Variants in ATXN10 observed in about 807,000 individuals in gnomAD.
ATXN10 encodes ataxin-10.
ATXN10 carries 28 observed loss-of-function variants against 52.9 expected under a neutral mutation model. That is an observed-to-expected ratio of 0.53 (90% CI 0.39 to 0.73). ATXN10 has a LOEUF of 0.73. Among genes scored for constraint, ATXN10 ranks in the 30% least tolerant of loss-of-function variants. ATXN10 has a pLI of 0.00. For missense variants in ATXN10, 565 were observed against 577.0 expected (o/e 0.98, Z 0.21); for synonymous variants, 226 against 221.5 (o/e 1.02, Z -0.18).
intron 4 of ATXN10, 90 bp downstream of exon 4, chr22:45,700,468 T>A: frequency 1.0e-6 from 1 of 1,001,978 alleles, no homozygotes; most frequent in Non-Finnish European, 1.5e-6. Flanking sequence ...CAGGAAAAAG[T>A]AACCCACTGT....
At chr22:45,676,043 C>T (rs2146721245) in intron 1 of ATXN10, 1 of 152,268 alleles carries the variant, frequency 6.6e-6, no homozygotes, top group East Asian at 1.9e-4. Flanking sequence ...CTTTGCAAGT[C>T]ATGTTAAATT....
intron 9 of ATXN10, among the ~76,000 whole-genome samples, chr22:45,799,115 T>C (rs901043091): frequency 2.0e-5 from 3 of 151,822 alleles, no homozygotes; most frequent in African/African-American, 7.3e-5. Context: ...AGTTTCACTC[T>C]TGTTACTCAG....
chr22:45,671,929 G>A lies in ATXN10; in HGVS notation c.-135G>A, dbSNP rs1922454270. The A allele has an allele frequency of 1.1e-6, 1 of 951,102 alleles. No individual in the cohort carries two copies. The highest frequency in any genetic ancestry group is 2.8e-5 in the Admixed American group (1 of 36,118). The allele number at this position is 951,102 out of a possible 1,614,324, so 58.9% of individuals were successfully genotyped here. A position where few individuals can be genotyped will look rare whatever the true frequency, so the allele number is the denominator to read the frequency against. ...GGGCAGCGCGGGCTGCAGCGGCGGC[G>A]GCGGTTAGGGCTGTGTAGGGCGAGG... is the stretch of plus-strand genomic sequence containing the variant. On this transcript the variant is annotated 5_prime_UTR_variant, in exon 1 of 12. Coordinates refer to ENST00000252934, the MANE Select transcript of ATXN10 (RefSeq NM_013236.4).
chr22:45,804,954 T>TGG (rs1348325220), intron 9 of ATXN10, among the ~76,000 whole-genome samples: 3 of 152,198 alleles, frequency 2.0e-5, no homozygotes, highest in Non-Finnish European at 2.9e-5. Context: ...TGTTGTAATC[T>TGG]GGCTACATCT....
chr22:45,709,885 G>C (rs1218887208), intron 5 of ATXN10, among the ~76,000 whole-genome samples: 1 of 152,098 alleles, frequency 6.6e-6, no homozygotes, highest in African/African-American at 2.4e-5. Flanking sequence ...CTCGTTTGCT[G>C]AGGCCTGGAA....
chr22:45,672,264 GC>G, intron 1 of ATXN10, 85 bp downstream of exon 1: 2 of 1,242,120 alleles, frequency 1.6e-6, no homozygotes, highest in South Asian at 2.7e-5. Context: ...CCCAGGCGCC[GC>G]CCCCGCCTCG....
At chr22:45,674,267 G>A (rs558458988) in intron 1 of ATXN10, 1 of 152,386 alleles carries the variant, frequency 6.6e-6, no homozygotes, top group Admixed American at 6.5e-5. Flanking sequence ...TTGTGGGGGG[G>A]AGAATGAGGA....
chr22:45,816,371 T>C lies in ATXN10; in HGVS notation c.1237+9349T>C, dbSNP rs570346382. Among the ~76,000 whole-genome samples the C allele has an allele frequency of 1.1e-3, 164 of 152,358 alleles. 2 individuals carry two copies. Among genetic ancestry groups the C allele is most frequent in the African/African-American group, 3.8e-3 (157 of 41,584 alleles). On this transcript the variant is annotated intron_variant, in intron 10 of 11. Transcript: ENST00000252934. The surrounding 1 kb of genome is among the most constrained non-coding windows in gnomAD (Gnocchi z 5.8). ...TTGGGAAACAGATACCTCTCCCGTT[T>C]CCTCTCTTTCCTCCTTTTAGACTTC...
rs1923309306 is a variant in ATXN10 at position 45,690,009 on chromosome 22, A to G, written c.308+106A>G. Reference sequence around the variant, plus strand: ...TGTTTTGGGCTGGGTAAGGTGGCTCATGCCTGTAATCCCAGCATTTTGGGA... The same window carrying G: ...TGTTTTGGGCTGGGTAAGGTGGCTCGTGCCTGTAATCCCAGCATTTTGGGA... On this transcript the variant is annotated intron_variant, in intron 2 of 11. Transcript: ENST00000252934. This position sits in a 1 kb window ranked among gnomAD's most constrained non-coding sequence, Gnocchi z 4.5. The G allele has an allele frequency of 8.6e-7, 1 of 1,167,098 alleles. No homozygotes were observed. Among genetic ancestry groups the G allele is most frequent in the East Asian group, 2.5e-5 (1 of 40,620 alleles). The allele number at this position is 1,167,098 out of a possible 1,614,324, so 72.3% of individuals were successfully genotyped here.
At chr22:45,829,068 A>T (rs1928906546) in intron 10 of ATXN10, among the ~76,000 whole-genome samples, 2 of 152,246 alleles carry the variant, frequency 1.3e-5, no homozygotes, top group Admixed American at 1.3e-4. Context: ...GTGGTTCAAC[A>T]TACTGAAATT....
rs1465891313 is a variant in ATXN10 at position 45,818,066 on chromosome 22, C to A, written c.1237+11044C>A. Among the ~76,000 whole-genome samples, 1 of 152,210 alleles carries A rather than the reference C, an allele frequency of 6.6e-6. No individual in the cohort carries two copies. Among genetic ancestry groups the A allele is most frequent in the African/African-American group, 2.4e-5 (1 of 41,460 alleles). On this transcript the variant is annotated intron_variant, in intron 10 of 11. Coordinates refer to ENST00000252934, the MANE Select transcript of ATXN10 (RefSeq NM_013236.4). The surrounding 1 kb of genome is among the most constrained non-coding windows in gnomAD (Gnocchi z 4.6). The stretch of plus-strand genomic sequence containing the variant: ...TCCTTTCCTCGCTCAGGTATCTTGG[C>A]AGGTAGTCAAACTGTTTTAAAATGA...
In ATXN10 at chr22:45,672,138, C is replaced by T. The variant is rs767405988; in HGVS notation, c.75C>T (p.Ala25=). The change falls in exon 1 of 12, where the codon GCC becomes GCT. Residue 25 remains alanine (A), a synonymous_variant. Transcript: ENST00000252934. The stretch of plus-strand genomic sequence containing the variant: ...CGGCGCCCATCCAAGACCTGGAGGC[C>T]CTGCGCGCGCTCACGGCGCTCTTCA... The part of the protein sequence containing the change: ...MVPAPIQDLE[A]LRALTALFKE... The T allele has an allele frequency of 3.3e-5, 51 of 1,540,108 alleles. No homozygotes were observed. Among genetic ancestry groups the T allele is most frequent in the South Asian group, 4.8e-5 (4 of 83,810 alleles).
At chr22:45,814,118 A>T (rs1928378960) in intron 10 of ATXN10, among the ~76,000 whole-genome samples, 2 of 152,248 alleles carry the variant, frequency 1.3e-5, no homozygotes, top group South Asian at 4.1e-4. Context: ...TTCTAGAAGA[A>T]TCACAGATGA....
chr22:45,799,967 C>A (rs1927877109), intron 9 of ATXN10, among the ~76,000 whole-genome samples: 1 of 152,006 alleles, frequency 6.6e-6, no homozygotes, highest in African/African-American at 2.4e-5. Context: ...TAAAAAAGAA[C>A]CTAGACTCTT....
chr22:45,735,598 G>A (rs546524118), intron 7 of ATXN10, among the ~76,000 whole-genome samples: 179 of 152,200 alleles, frequency 1.2e-3, no homozygotes, highest in African/African-American at 4.0e-3. Flanking sequence ...TATCAACAAA[G>A]TAGTTGCAGT....
At chr22:45,685,923 G>GTTA (rs10647469) in intron 1 of ATXN10, among the ~76,000 whole-genome samples, 4,583 of 152,196 alleles carry the variant, frequency 0.03, 210 homozygotes, top group African/African-American at 0.1. Flanking sequence ...AGTTAATTGG[G>GTTA]TTATAACTCC....
chr22:45,746,952 T>G (rs1925753305), intron 9 of ATXN10, among the ~76,000 whole-genome samples: 1 of 152,226 alleles, frequency 6.6e-6, no homozygotes, highest in African/African-American at 2.4e-5. Flanking sequence ...AGCAGAACTG[T>G]GACATATGAA....
In ATXN10 at chr22:45,835,215, C is replaced by CGGGCTCATGGGTCCTGCTTTGCCTGGCGT. The variant is rs1012369700; in HGVS notation, c.1238-7747_1238-7719dup. On this transcript the variant is annotated intron_variant, in intron 10 of 11. Coordinates refer to ENST00000252934, the MANE Select transcript of ATXN10 (RefSeq NM_013236.4). This position sits in a 1 kb window ranked among gnomAD's most constrained non-coding sequence, Gnocchi z 5.0. ...TCCCATGACTTCACTGCCAGATGGACGGGCTCATGGGTCCTGCTTTGCCTG... is the reference window on the plus strand; with the variant it reads ...TCCCATGACTTCACTGCCAGATGGACGGGCTCATGGGTCCTGCTTTGCCTGGCGTGGGCTCATGGGTCCTGCTTTGCCTG... 6.6e-6 allele frequency among the ~76,000 whole-genome samples: 1 copy of CGGGCTCATGGGTCCTGCTTTGCCTGGCGT among 152,142 alleles called. No homozygotes were observed. The highest frequency in any genetic ancestry group is 2.4e-5 in the African/African-American group (1 of 41,430).
Position 45,751,763 on chromosome 22 carries a change from A to AAAAAAAAAAAAATAATAAT in ATXN10, c.1173+11227_1173+11228insAAAAAAAAAATAATAATAA. 2.3e-3 allele frequency among the ~76,000 whole-genome samples: 153 copies of AAAAAAAAAAAAATAATAAT among 66,512 alleles called. 1 individual carries two copies. Among genetic ancestry groups the AAAAAAAAAAAAATAATAAT allele is most frequent in the Non-Finnish European group, 3.7e-3 (127 of 33,942 alleles). 43.6% of individuals were successfully genotyped at this position (66,512 alleles called of 152,430 possible). On this transcript the variant is annotated intron_variant, in intron 9 of 11. Transcript: ENST00000252934. ...TGGAAAAAAAAAAAAAATAAAAAAAAAATAATAATAATAATAATAATAATA... is the reference window on the plus strand; with the variant it reads ...TGGAAAAAAAAAAAAAATAAAAAAAAAAAAAAAAAAAATAATAATAATAATAATAATAATAATAATAATA...
Sources: gnomAD v4.1 joint callset for allele counts (sites outside exome capture counted in the v4.1 genomes callset) on GRCh38, gnomAD v4.1.1 for gene constraint, Gnocchi (gnomAD v3.1) non-coding constraint, MANE v1.5 for transcripts, NCBI Gene and HGNC (gene_info 2026-07-23, HGNC 2026-07-21) for gene names.